Variants in ANKRD13C observed in about 807,000 individuals in gnomAD.
The protein encoded by ANKRD13C is ankyrin repeat domain-containing protein 13C.
In ANKRD13C, 16 loss-of-function variants were observed where a neutral mutation model predicts 65.5. That is an observed-to-expected ratio of 0.24 (90% confidence interval 0.17 to 0.37). ANKRD13C has a LOEUF of 0.37. Ranked by LOEUF, ANKRD13C falls within the 10% of genes least tolerant of loss-of-function variation. ANKRD13C has a pLI of 1.00. For missense variants in ANKRD13C, 503 were observed against 655.9 expected (o/e 0.77, Z 2.55); for synonymous variants, 235 against 238.7 (o/e 0.98, Z 0.14).
chr1:70,346,243 G>C (rs1374221946), intron 1 of ANKRD13C, among the ~76,000 whole-genome samples: 1 of 152,036 alleles, frequency 6.6e-6, no homozygotes, highest in East Asian at 1.9e-4. Context: ...ATGTACTCAA[G>C]ATTAGGATGT....
chr1:70,347,110 A>AG (rs1407825833), intron 1 of ANKRD13C, among the ~76,000 whole-genome samples: 3 of 150,874 alleles, frequency 2.0e-5, no homozygotes, highest in Non-Finnish European at 4.4e-5. Flanking sequence ...AAAAAAAAAA[A>AG]AAAAAAAGGC....
chr1:70,315,679 A>G (rs775795113), intron 3 of ANKRD13C, 113 bp from the exon 4 acceptor site: 12 of 760,762 alleles, frequency 1.6e-5, no homozygotes, highest in Non-Finnish European at 2.1e-5. Flanking sequence ...ATGCACGTGC[A>G]TGTATGTGTG....
At chr1:70,292,321 C>T (rs1021881539) in intron 9 of ANKRD13C, 67 bp downstream of exon 9, 1 of 1,252,710 alleles carries the variant, frequency 8.0e-7, no homozygotes, top group African/African-American at 1.6e-5. Flanking sequence ...TACTGAATGC[C>T]ACCAAGAATG....
At chr1:70,330,270 C>T (rs1174566176) in intron 2 of ANKRD13C, among the ~76,000 whole-genome samples, 1 of 152,042 alleles carries the variant, frequency 6.6e-6, no homozygotes, top group African/African-American at 2.4e-5. Flanking sequence ...AGAAATCACA[C>T]ATTTAGGCCG....
intron 3 of ANKRD13C, among the ~76,000 whole-genome samples, chr1:70,320,014 A>T (rs1681239030): frequency 6.6e-6 from 1 of 152,174 alleles, no homozygotes; most frequent in African/African-American, 2.4e-5. Context: ...CTGAGACAAT[A>T]TATGAGCAGA....
chr1:70,340,268 T>C (rs1682251007), intron 1 of ANKRD13C, among the ~76,000 whole-genome samples: 2 of 152,212 alleles, frequency 1.3e-5, no homozygotes, highest in South Asian at 2.1e-4. Flanking sequence ...TAAACTCAAA[T>C]TGGGAAACTA....
intron 9 of ANKRD13C, among the ~76,000 whole-genome samples, chr1:70,282,434 G>A (rs1436600786): frequency 1.3e-5 from 2 of 152,044 alleles, no homozygotes; most frequent in African/African-American, 4.8e-5. Context: ...AAAGTTGTCT[G>A]GGATTAACCC....
At chr1:70,263,510 A>G (rs1678475759) in intron 12 of ANKRD13C, among the ~76,000 whole-genome samples, 1 of 152,240 alleles carries the variant, frequency 6.6e-6, no homozygotes, top group Non-Finnish European at 1.5e-5. Context: ...AATACACATT[A>G]AATTAAATGT....
Sources: gnomAD v4.1 joint callset for allele counts (sites outside exome capture counted in the v4.1 genomes callset) on GRCh38, gnomAD v4.1.1 for gene constraint, MANE v1.5 for transcripts, NCBI Gene and HGNC (gene_info 2026-07-23, HGNC 2026-07-21) for gene names.